The following KCNQ5 variants were observed in gnomAD, a reference collection of about 807,000 sequenced individuals.
KCNQ5 encodes potassium voltage-gated channel subfamily Q member 5, also known as potassium voltage-gated channel subfamily KQT member 5.
Under a neutral mutation model 98.2 loss-of-function variants are expected in KCNQ5, and 30 were observed. That is an observed-to-expected ratio of 0.31 (90% CI 0.23 to 0.41). The LOEUF (loss-of-function observed/expected upper bound fraction) is 0.41. Among genes scored for constraint, KCNQ5 ranks in the 10% least tolerant of loss-of-function variants. KCNQ5 has a pLI of 1.00. For synonymous variants in KCNQ5, 458 were observed against 449.4 expected (o/e 1.02, Z -0.24); for missense variants, 835 against 1,182.5 (o/e 0.71, Z 4.31).
At chr6:73,054,744 A>T (rs1772393440) in intron 3 of KCNQ5, among the ~76,000 whole-genome samples, 1 of 152,258 alleles carries the variant, frequency 6.6e-6, no homozygotes, top group African/African-American at 2.4e-5. Flanking sequence ...ATCACAGTGA[A>T]TGAGCAAAAG....
At chr6:72,730,951 A>T (rs1389365695) in intron 1 of KCNQ5, among the ~76,000 whole-genome samples, 1 of 122,928 alleles carries the variant, frequency 8.1e-6, no homozygotes. Context: ...ACGCATTTCT[A>T]TTTATGTATT....
At chr6:72,772,579 T>C (rs962016383) in intron 1 of KCNQ5, among the ~76,000 whole-genome samples, 25 of 152,188 alleles carry the variant, frequency 1.6e-4, no homozygotes, top group Non-Finnish European at 3.4e-4. Context: ...CCAGCCTCCA[T>C]CTGGGGTTGT....
intron 1 of KCNQ5, among the ~76,000 whole-genome samples, chr6:72,652,240 CAAAAAAA>C (rs66526018): frequency 1.9e-5 from 2 of 105,314 alleles, no homozygotes; most frequent in Non-Finnish European, 3.9e-5. Flanking sequence ...GAGGCAGAAG[CAAAAAAA>C]AAAAAAAAAA....
At chr6:72,822,843 G>A (rs1218757917) in intron 1 of KCNQ5, among the ~76,000 whole-genome samples, 3 of 152,110 alleles carry the variant, frequency 2.0e-5, no homozygotes, top group African/African-American at 7.2e-5. Flanking sequence ...TATTCCTCCT[G>A]GAAGCTATAG....
chr6:72,831,961 G>C (rs1776294805), intron 1 of KCNQ5, among the ~76,000 whole-genome samples: 1 of 152,000 alleles, frequency 6.6e-6, no homozygotes, highest in African/African-American at 2.4e-5. Flanking sequence ...AGGTAACCAA[G>C]GTGTCAATCC....
intron 3 of KCNQ5, chr6:73,055,768 C>A: frequency 1.0e-6 from 1 of 972,948 alleles, no homozygotes; most frequent in Non-Finnish European, 1.6e-6. Flanking sequence ...TGAAGCCCAT[C>A]AAGCCCAGCC....
intron 1 of KCNQ5, among the ~76,000 whole-genome samples, chr6:72,719,983 A>G (rs1293175887): frequency 6.6e-6 from 1 of 152,156 alleles, no homozygotes; most frequent in Non-Finnish European, 1.5e-5. Context: ...TGATATGTAC[A>G]CTAAACTCTG....
In KCNQ5 at chr6:73,121,969, A is replaced by C. The variant is rs939754376; in HGVS notation, c.1220+1392A>C. Reference sequence around the variant, plus strand: ...TAGCACTCCAGGGATTTCAGAGAGGATGGAACCTTAGCATGGATAGAAGCA... The same window carrying C: ...TAGCACTCCAGGGATTTCAGAGAGGCTGGAACCTTAGCATGGATAGAAGCA... On this transcript the variant is annotated intron_variant, in intron 8 of 13. Transcript: ENST00000370398. Among the ~76,000 whole-genome samples, 10 of 152,222 alleles carry C rather than the reference A, an allele frequency of 6.6e-5. 1 individual carries two copies. The highest frequency in any genetic ancestry group is 4.1e-4 in the South Asian group (2 of 4,828).
intron 1 of KCNQ5, among the ~76,000 whole-genome samples, chr6:72,714,590 G>A (rs775957772): frequency 6.6e-6 from 1 of 152,098 alleles, no homozygotes. Context: ...GGTTACAAAA[G>A]GACATGAAAA....
chr6:73,190,570 C>T lies in KCNQ5; in HGVS notation c.1578-3C>T, dbSNP rs1384902635. The T allele has an allele frequency of 6.9e-7, 1 of 1,458,782 alleles. No homozygotes were observed. The highest frequency in any genetic ancestry group is 9.4e-7 in the Non-Finnish European group (1 of 1,066,392). 90.4% of individuals were successfully genotyped at this position (1,458,782 alleles called of 1,614,324 possible). A position where few individuals can be genotyped will look rare whatever the true frequency, so the allele number is the denominator to read the frequency against. ...GATTAATATGTAATATGTTCTCATACAGAATTATGAAATTTCATGTTGCAA... is the reference window on the plus strand; with the variant it reads ...GATTAATATGTAATATGTTCTCATATAGAATTATGAAATTTCATGTTGCAA... On this transcript the variant is annotated splice_polypyrimidine_tract_variant and splice_region_variant and intron_variant, in intron 11 of 13. Transcript: ENST00000370398.
chr6:73,015,896 T>A (rs1770315713), intron 2 of KCNQ5, among the ~76,000 whole-genome samples: 1 of 152,172 alleles, frequency 6.6e-6, no homozygotes, highest in Admixed American at 6.6e-5. Flanking sequence ...AAACTTTCTT[T>A]CCTCTAACTT....
At chr6:72,715,309 G>A (rs747287034) in intron 1 of KCNQ5, among the ~76,000 whole-genome samples, 2 of 152,128 alleles carry the variant, frequency 1.3e-5, no homozygotes, top group Non-Finnish European at 2.9e-5. Flanking sequence ...GAATGGCCAC[G>A]GTTACATACC....
At chr6:72,910,777 A>G (rs1779912403) in intron 1 of KCNQ5, among the ~76,000 whole-genome samples, 1 of 152,196 alleles carries the variant, frequency 6.6e-6, no homozygotes, top group African/African-American at 2.4e-5. Flanking sequence ...GAACATAGGT[A>G]TCAATTTATA....
intron 2 of KCNQ5, among the ~76,000 whole-genome samples, chr6:73,025,365 T>C (rs1770826098): frequency 6.6e-6 from 1 of 152,186 alleles, no homozygotes; most frequent in Non-Finnish European, 1.5e-5. Context: ...CTCACGCCTG[T>C]AATCCCAGAA....
At chr6:73,191,152 T>C (rs978537340) in intron 12 of KCNQ5, among the ~76,000 whole-genome samples, 3 of 152,140 alleles carry the variant, frequency 2.0e-5, no homozygotes, top group Admixed American at 6.5e-5. Flanking sequence ...CTTCATTAAG[T>C]TTCATCCAAC....
At chr6:72,895,694 ACTATATATATT>A (rs1389242694) in intron 1 of KCNQ5, among the ~76,000 whole-genome samples, 2 of 149,290 alleles carry the variant, frequency 1.3e-5, no homozygotes, top group African/African-American at 4.9e-5. Context: ...ATATATATAT[ACTATATATATT>A]CAACATATAT....
intron 1 of KCNQ5, among the ~76,000 whole-genome samples, chr6:72,724,083 T>C (rs1278281438): frequency 6.6e-6 from 1 of 152,210 alleles, no homozygotes; most frequent in Non-Finnish European, 1.5e-5. Flanking sequence ...TTATATATTT[T>C]ATATAGATGT....
At chr6:73,081,602 A>G (rs1773771822) in intron 5 of KCNQ5, among the ~76,000 whole-genome samples, 1 of 152,208 alleles carries the variant, frequency 6.6e-6, no homozygotes, top group African/African-American at 2.4e-5. Context: ...TACCAACAGT[A>G]TATTGTTCAC....
intron 1 of KCNQ5, among the ~76,000 whole-genome samples, chr6:72,887,184 C>A (rs1258688835): frequency 6.6e-6 from 1 of 152,052 alleles, no homozygotes; most frequent in Non-Finnish European, 1.5e-5. Context: ...ATACCTGAGA[C>A]TAGAAAGAAA....
Sources: gnomAD v4.1 joint callset for allele counts (sites outside exome capture counted in the v4.1 genomes callset) on GRCh38, gnomAD v4.1.1 for gene constraint, MANE v1.5 for transcripts, NCBI Gene and HGNC (gene_info 2026-07-23, HGNC 2026-07-21) for gene names.